CLSTN2: variants seen among roughly 807,000 people sequenced by gnomAD.
The protein encoded by CLSTN2 is calsyntenin-2.
Under a neutral mutation model 101.2 loss-of-function variants are expected in CLSTN2, and 48 were observed. The observed-to-expected ratio is 0.47, with a 90% CI of 0.38 to 0.60. The LOEUF (loss-of-function observed/expected upper bound fraction) is 0.60, where lower values mean the gene tolerates loss of function less well. CLSTN2 is among the 20% of genes least tolerant of loss of function. The probability of loss-of-function intolerance (pLI) is 0.00; values close to 1 mark genes in which losing one functional copy is unlikely to be tolerated. For synonymous variants in CLSTN2, 481 were observed against 463.6 expected, an observed-to-expected ratio of 1.04 and a Z score of -0.48; for missense variants, 1,160 against 1,238.2, an observed-to-expected ratio of 0.94 and a Z score of 0.95.
At chr3:140,141,268 A>G (rs886332281) in intron 1 of CLSTN2, among the ~76,000 whole-genome samples, 4 of 152,132 alleles carry the variant, frequency 2.6e-5, no homozygotes, top group East Asian at 1.9e-4. Flanking sequence ...CCTCATGACT[A>G]CTGGGATGTA....
chr3:140,077,183 A>G (rs989945003), intron 1 of CLSTN2, among the ~76,000 whole-genome samples: 2 of 152,230 alleles, frequency 1.3e-5, no homozygotes, highest in Non-Finnish European at 2.9e-5. Flanking sequence ...AGAGAGCCTC[A>G]TTGTGAACCT....
chr3:139,975,368 C>A (rs1453861042), intron 1 of CLSTN2, among the ~76,000 whole-genome samples: 2 of 152,176 alleles, frequency 1.3e-5, no homozygotes, highest in Admixed American at 1.3e-4. Flanking sequence ...GTACTCCCTG[C>A]AGTCAGAGGC....
rs1036524704 is a variant in CLSTN2 at position 140,339,647 on chromosome 3, A to T, written c.233-63982A>T. On this transcript the variant is annotated intron_variant, in intron 2 of 16. Transcript: ENST00000458420. ...CTCAGAACCATGGGGGCCTTGAAAC[A>T]GAGGCTTAGATGTTGTGTCCTTAGC... 6.6e-5 allele frequency among the ~76,000 whole-genome samples: 10 copies of T among 152,336 alleles called. No individual in the cohort carries two copies. The East Asian group carries it at 1.9e-3, about 29-fold the overall frequency.
At chr3:140,185,417 A>G (rs1428957783) in intron 2 of CLSTN2, among the ~76,000 whole-genome samples, 1 of 152,200 alleles carries the variant, frequency 6.6e-6, no homozygotes, top group Non-Finnish European at 1.5e-5. Flanking sequence ...GCTTAAAGAC[A>G]TTCTGGGATA....
intron 2 of CLSTN2, among the ~76,000 whole-genome samples, chr3:140,241,519 C>G (rs6439906): frequency 2.4e-4 from 37 of 152,240 alleles, no homozygotes; most frequent in African/African-American, 8.2e-4. Flanking sequence ...AATCTTGACT[C>G]ATGTCCTGTA....
At chr3:140,140,217 G>A (rs1240583823) in intron 1 of CLSTN2, among the ~76,000 whole-genome samples, 1 of 152,136 alleles carries the variant, frequency 6.6e-6, no homozygotes, top group African/African-American at 2.4e-5. Context: ...TGTTGTGTTA[G>A]CTTATTTGCA....
At chr3:140,053,571 C>T (rs2008042757) in intron 1 of CLSTN2, among the ~76,000 whole-genome samples, 1 of 152,142 alleles carries the variant, frequency 6.6e-6, no homozygotes, top group African/African-American at 2.4e-5. Context: ...GGAGCCAGCT[C>T]GCAACAGGAG....
At chr3:140,413,488 A>T (rs2088390007) in intron 4 of CLSTN2, among the ~76,000 whole-genome samples, 1 of 152,162 alleles carries the variant, frequency 6.6e-6, no homozygotes, top group Non-Finnish European at 1.5e-5. Context: ...AAGAACTAAT[A>T]CCAGTCCTTC....
At chr3:140,209,807 G>A (rs950190282) in intron 2 of CLSTN2, among the ~76,000 whole-genome samples, 1 of 152,162 alleles carries the variant, frequency 6.6e-6, no homozygotes, top group Non-Finnish European at 1.5e-5. Context: ...TTCAGTTCAG[G>A]TGGTGACAGA....
intron 1 of CLSTN2, among the ~76,000 whole-genome samples, chr3:140,039,545 T>G (rs2007721472): frequency 6.6e-6 from 1 of 152,226 alleles, no homozygotes; most frequent in Non-Finnish European, 1.5e-5. Flanking sequence ...TGTAAATAAA[T>G]TAGAGTTTAT....
intron 1 of CLSTN2, among the ~76,000 whole-genome samples, chr3:140,071,391 C>G (rs564577761): frequency 2.8e-3 from 429 of 151,748 alleles, no homozygotes; most frequent in Non-Finnish European, 5.1e-3. Context: ...GAGAAGCCAA[C>G]AGAGACATGA....
chr3:140,405,762 A>C (rs2088296241), intron 4 of CLSTN2, among the ~76,000 whole-genome samples: 1 of 152,228 alleles, frequency 6.6e-6, no homozygotes, highest in African/African-American at 2.4e-5. Context: ...TGTAAATTTC[A>C]ACACCTTCAA....
At chr3:140,057,989 C>G (rs9833263) in intron 1 of CLSTN2, among the ~76,000 whole-genome samples, 13,649 of 152,130 alleles carry the variant, frequency 0.09, 701 homozygotes, top group African/African-American at 0.13. Flanking sequence ...CAGAAGTTCA[C>G]GCTCTGCAAG....
At chr3:140,320,839 G>A (rs1011805352) in intron 2 of CLSTN2, among the ~76,000 whole-genome samples, 4 of 152,054 alleles carry the variant, frequency 2.6e-5, no homozygotes, top group Non-Finnish European at 4.4e-5. Flanking sequence ...CATAGACAGC[G>A]GCAGTGAGGG....
intron 1 of CLSTN2, among the ~76,000 whole-genome samples, chr3:140,135,784 T>A (rs1321037341): frequency 1.3e-5 from 2 of 152,188 alleles, no homozygotes; most frequent in African/African-American, 4.8e-5. Flanking sequence ...GTACCTTTGT[T>A]ATGAGAGTCT....
intron 2 of CLSTN2, among the ~76,000 whole-genome samples, chr3:140,192,160 G>T (rs1326230614): frequency 6.6e-6 from 1 of 151,808 alleles, no homozygotes; most frequent in Non-Finnish European, 1.5e-5. Context: ...TTGATTTCTA[G>T]TTTAATTCCA....
At chr3:140,522,578 T>A (rs1445262707) in intron 8 of CLSTN2, among the ~76,000 whole-genome samples, 1 of 152,222 alleles carries the variant, frequency 6.6e-6, no homozygotes, top group Non-Finnish European at 1.5e-5. Context: ...CTTTCTAGAA[T>A]GCAAGGCACT....
intron 2 of CLSTN2, among the ~76,000 whole-genome samples, chr3:140,218,524 G>A (rs998803610): frequency 7.2e-5 from 11 of 152,116 alleles, no homozygotes; most frequent in African/African-American, 2.7e-4. Flanking sequence ...TTATTGGAAT[G>A]TTGTGACCCC....
intron 8 of CLSTN2, among the ~76,000 whole-genome samples, chr3:140,469,336 G>A (rs1344009270): frequency 2.6e-5 from 4 of 152,194 alleles, no homozygotes; most frequent in African/African-American, 4.8e-5. Flanking sequence ...TCCCTCTGAA[G>A]GGAACCACAG....
Sources: allele counts gnomAD v4.1 joint callset (sites outside exome capture counted in the v4.1 genomes callset), GRCh38; gene constraint gnomAD v4.1.1; transcripts MANE v1.5; gene names NCBI Gene and HGNC (gene_info 2026-07-23, HGNC 2026-07-21).